The following LRRC58 variants were observed in gnomAD, a reference collection of about 807,000 sequenced individuals.
LRRC58 encodes leucine-rich repeat-containing protein 58.
In LRRC58, 18 loss-of-function variants were observed where a neutral mutation model predicts 30.6. The observed-to-expected ratio is 0.59, with a 90% CI of 0.41 to 0.87. LRRC58 has a LOEUF of 0.87. LRRC58 is among the 40% of genes least tolerant of loss of function. LRRC58 has a pLI of 0.00. For synonymous variants in LRRC58, 221 were observed against 206.0 expected, an observed-to-expected ratio of 1.07 and a Z score of -0.62; for missense variants, 420 against 468.4, an observed-to-expected ratio of 0.90 and a Z score of 0.95.
chr3:120,335,349 G>A (rs181479967), intron 2 of LRRC58, among the ~76,000 whole-genome samples: 50 of 152,282 alleles, frequency 3.3e-4, no homozygotes, highest in South Asian at 1.7e-3. Flanking sequence ...CAATCTTGGC[G>A]AATTTAGAAT....
rs2107619568 is a variant in LRRC58, at chr3:120,327,251, T to TTC, written c.*3948_*3949insGA. ...CCCTGTGGCTTCTAAAGATTTCTTTTTTTTTTTTTTTTTTTTTTGAGACGG... is the reference window on the plus strand; with the variant it reads ...CCCTGTGGCTTCTAAAGATTTCTTTTTCTTTTTTTTTTTTTTTTTTGAGACGG... On this transcript the variant is annotated 3_prime_UTR_variant, in exon 4 of 4. Coordinates refer to ENST00000295628, the MANE Select transcript of LRRC58 (RefSeq NM_001099678.2). 7.6e-6 allele frequency: 1 copy of TTC among 132,212 alleles called. No homozygotes were observed. Among genetic ancestry groups the TTC allele is most frequent in the African/African-American group, 3.2e-5 (1 of 31,610 alleles). 8.2% of individuals were successfully genotyped at this position (132,212 alleles called of 1,614,324 possible).
chr3:120,339,369 A>C (rs1475816039), intron 1 of LRRC58, among the ~76,000 whole-genome samples: 1 of 152,120 alleles, frequency 6.6e-6, no homozygotes, highest in Non-Finnish European at 1.5e-5. Context: ...CAATCAGTAC[A>C]TTGATTCAGA....
At chr3:120,338,588 A>C (rs1479824344) in intron 1 of LRRC58, among the ~76,000 whole-genome samples, 1 of 152,206 alleles carries the variant, frequency 6.6e-6, no homozygotes, top group Non-Finnish European at 1.5e-5. Flanking sequence ...TTCTCTTAGG[A>C]GATGACATCT....
At chr3:120,341,535 T>G (rs1016285752) in intron 1 of LRRC58, among the ~76,000 whole-genome samples, 5 of 152,188 alleles carry the variant, frequency 3.3e-5, no homozygotes, top group African/African-American at 1.2e-4. Flanking sequence ...AAAATTCATG[T>G]TGAAACCCTA....
In LRRC58 at chr3:120,327,405, T is replaced by C. The variant is rs926330751; in HGVS notation, c.*3795A>G. 6.6e-6 allele frequency: 1 copy of C among 151,006 alleles called. No individual in the cohort carries two copies. The highest frequency in any genetic ancestry group is 1.5e-5 in the Non-Finnish European group (1 of 67,724). The allele number at this position is 151,006 out of a possible 1,614,324, so 9.4% of individuals were successfully genotyped here. Reference sequence around the variant, plus strand: ...TAGCTGGGACTACAGGCGCCCGCCATCACGCCCGGCTAATTTTTTTTTGTA... The same window carrying C: ...TAGCTGGGACTACAGGCGCCCGCCACCACGCCCGGCTAATTTTTTTTTGTA... On this transcript the variant is annotated 3_prime_UTR_variant, in exon 4 of 4. Coordinates refer to ENST00000295628, the MANE Select transcript of LRRC58 (RefSeq NM_001099678.2).
chr3:120,338,152 T>A (rs1476689518), intron 1 of LRRC58, among the ~76,000 whole-genome samples: 1 of 152,194 alleles, frequency 6.6e-6, no homozygotes, highest in Non-Finnish European at 1.5e-5. Context: ...CTCTATTTTT[T>A]ATTTTAAATA....
chr3:120,333,056 C>T (rs1327608927), intron 3 of LRRC58, among the ~76,000 whole-genome samples: 1 of 144,084 alleles, frequency 6.9e-6, no homozygotes, highest in Admixed American at 7.3e-5. Flanking sequence ...TGTGCCACTG[C>T]ACTCCAGCCT....
At chr3:120,332,717 G>C (rs1469742777) in intron 3 of LRRC58, among the ~76,000 whole-genome samples, 1 of 151,806 alleles carries the variant, frequency 6.6e-6, no homozygotes, top group Non-Finnish European at 1.5e-5. Context: ...ATGTCTAATG[G>C]TTCATTTCAT....
At chr3:120,348,077 A>G (rs1935997159) in intron 1 of LRRC58, among the ~76,000 whole-genome samples, 1 of 152,232 alleles carries the variant, frequency 6.6e-6, no homozygotes, top group Non-Finnish European at 1.5e-5. Context: ...TGCAGGGAGT[A>G]GTAAAAAAGG....
intron 1 of LRRC58, among the ~76,000 whole-genome samples, chr3:120,348,486 A>C (rs977818494): frequency 2.0e-5 from 3 of 152,228 alleles, no homozygotes; most frequent in Non-Finnish European, 4.4e-5. Context: ...ATCACGCCCC[A>C]GATTCAATAA....
intron 1 of LRRC58, among the ~76,000 whole-genome samples, chr3:120,338,244 C>G (rs1381812406): frequency 6.6e-6 from 1 of 152,168 alleles, no homozygotes; most frequent in East Asian, 1.9e-4. Flanking sequence ...TTCATTCAAT[C>G]CCAGCTCTAC....
In LRRC58 at chr3:120,324,960, C is replaced by A. The variant is rs571003802; in HGVS notation, c.*6240G>T. On this transcript the variant is annotated 3_prime_UTR_variant, in exon 4 of 4. Coordinates refer to ENST00000295628, the MANE Select transcript of LRRC58 (RefSeq NM_001099678.2). Reference sequence around the variant, plus strand: ...ATCAGATCATAAAAAGTAATTTGACCCAAGTAAAAGTATGTTTTCAGTACC... The same window carrying A: ...ATCAGATCATAAAAAGTAATTTGACACAAGTAAAAGTATGTTTTCAGTACC... 1 of 152,036 alleles carries A rather than the reference C, an allele frequency of 6.6e-6. No individual in the cohort carries two copies. The highest frequency in any genetic ancestry group is 6.5e-5 in the Admixed American group (1 of 15,272). 9.4% of individuals were successfully genotyped at this position (152,036 alleles called of 1,614,324 possible).
At chr3:120,342,016 GCCCCAGGAAGGAT>G (rs1255157959) in intron 1 of LRRC58, among the ~76,000 whole-genome samples, 1 of 152,046 alleles carries the variant, frequency 6.6e-6, no homozygotes, top group East Asian at 1.9e-4. Context: ...ACCCTTGGGG[GCCCCAGGAAGGAT>G]CCCCCCAACA....
chr3:120,327,227 C>T lies in LRRC58; in HGVS notation c.*3973G>A, dbSNP rs1935688842. On this transcript the variant is annotated 3_prime_UTR_variant, in exon 4 of 4. Coordinates refer to ENST00000295628, the MANE Select transcript of LRRC58 (RefSeq NM_001099678.2). ...GGTGTTTGGTGACTTCTCTTCTAGCCCTGTGGCTTCTAAAGATTTCTTTTT... is the reference window on the plus strand; with the variant it reads ...GGTGTTTGGTGACTTCTCTTCTAGCTCTGTGGCTTCTAAAGATTTCTTTTT... 6.6e-6 allele frequency: 1 copy of T among 151,104 alleles called. No homozygotes were observed. Among genetic ancestry groups the T allele is most frequent in the African/African-American group, 2.5e-5 (1 of 40,750 alleles). 9.4% of individuals were successfully genotyped at this position (151,104 alleles called of 1,614,324 possible).
At chr3:120,347,626 C>T (rs1218655320) in intron 1 of LRRC58, among the ~76,000 whole-genome samples, 1 of 151,400 alleles carries the variant, frequency 6.6e-6, no homozygotes, top group East Asian at 1.9e-4. Flanking sequence ...CTCCTGACCT[C>T]ATGATCCACC....
At chr3:120,334,814 T>G (rs894774309) in intron 3 of LRRC58, 48 bp downstream of exon 3, 1 of 1,510,062 alleles carries the variant, frequency 6.6e-7, no homozygotes, top group African/African-American at 1.4e-5. Context: ...TTAATTAATT[T>G]AAAAAATAGC....
chr3:120,344,333 ATCATC>A (rs1935941553), intron 1 of LRRC58, among the ~76,000 whole-genome samples: 1 of 152,236 alleles, frequency 6.6e-6, no homozygotes, highest in South Asian at 2.1e-4. Flanking sequence ...AAATAGATGC[ATCATC>A]TCTTGACACT....
rs1385200406 is a variant in LRRC58 at position 120,347,468 on chromosome 3, T to C, written c.500+1276A>G. Among the ~76,000 whole-genome samples the C allele has an allele frequency of 6.4e-5, 9 of 141,044 alleles. No individual in the cohort carries two copies. The East Asian group carries it at 6.7e-4, about 10-fold the overall frequency. The allele number at this position is 141,044 out of a possible 152,430, so 92.5% of individuals were successfully genotyped here. ...CTGCAGTGGCGCAATCTCGGCTCAC[T>C]GCAAGCTCCGCTTCCCGGGTTCACG... On this transcript the variant is annotated intron_variant, in intron 1 of 3. Coordinates refer to ENST00000295628, the MANE Select transcript of LRRC58 (RefSeq NM_001099678.2).
At chr3:120,339,455 A>G (rs1313890045) in intron 1 of LRRC58, among the ~76,000 whole-genome samples, 3 of 152,120 alleles carry the variant, frequency 2.0e-5, no homozygotes, top group African/African-American at 4.8e-5. Flanking sequence ...CTTGGAGTAC[A>G]TCCTTCAGAA....
Sources: gnomAD v4.1 joint callset for allele counts (sites outside exome capture counted in the v4.1 genomes callset) on GRCh38, gnomAD v4.1.1 for gene constraint, MANE v1.5 for transcripts, NCBI Gene and HGNC (gene_info 2026-07-23, HGNC 2026-07-21) for gene names.